ACSS3: variants seen among roughly 807,000 people sequenced by gnomAD.
ACSS3 encodes acyl-CoA synthetase short-chain family member 3, mitochondrial.
In ACSS3, 64 loss-of-function variants were observed where a neutral mutation model predicts 84.2. The ratio of observed to expected loss-of-function variants is 0.76; its 90% CI spans 0.62 to 0.94. ACSS3 has a LOEUF of 0.94. ACSS3 is among the 40% of genes least tolerant of loss of function. The probability of loss-of-function intolerance (pLI) is 0.00; values close to 1 mark genes in which losing one functional copy is unlikely to be tolerated. For synonymous variants in ACSS3, 317 were observed against 310.1 expected (o/e 1.02, Z -0.23); for missense variants, 815 against 867.6 (o/e 0.94, Z 0.76).
At chr12:81,092,170 T>C (rs1881710476) in intron 1 of ACSS3, among the ~76,000 whole-genome samples, 1 of 152,180 alleles carries the variant, frequency 6.6e-6, no homozygotes, top group African/African-American at 2.4e-5. Context: ...CTGGAGTTTA[T>C]TCATTTGTTA....
intron 1 of ACSS3, among the ~76,000 whole-genome samples, chr12:81,095,085 C>T (rs1481900132): frequency 6.6e-6 from 1 of 152,174 alleles, no homozygotes; most frequent in Non-Finnish European, 1.5e-5. Flanking sequence ...CCACTCCCTC[C>T]TGGTTCTCTG....
intron 9 of ACSS3, among the ~76,000 whole-genome samples, chr12:81,212,273 T>C (rs540985315): frequency 1.3e-5 from 2 of 152,342 alleles, no homozygotes; most frequent in Admixed American, 6.5e-5. Context: ...CTTTTGTTTA[T>C]TGTATCTCCA....
chr12:81,236,244 G>A (rs767235613), intron 13 of ACSS3, among the ~76,000 whole-genome samples: 1 of 151,540 alleles, frequency 6.6e-6, no homozygotes, highest in Non-Finnish European at 1.5e-5. Flanking sequence ...TTTTAACAAT[G>A]TTACGTGAAT....
At chr12:81,145,067 ATTTTTTTTT>A (rs35753293) in intron 5 of ACSS3, among the ~76,000 whole-genome samples, 1 of 100,874 alleles carries the variant, frequency 9.9e-6, no homozygotes, top group South Asian at 3.7e-4. Context: ...CGCCTGGCTA[ATTTTTTTTT>A]TTTTTTTTTT....
At position 81,253,628 on chromosome 12, in the gene ACSS3, C is replaced by T. The variant is rs936118379; in HGVS notation, c.1953C>T (p.Pro651=). The T allele has an allele frequency of 1.5e-5, 25 of 1,613,876 alleles. No homozygotes were observed. The African/African-American group carries it at 2.4e-4, about 15-fold the overall frequency. ...CCAAAACCAGATCTGGCAAGATCCC[C>T]CGATCAGCTTTATCTGCCATTGTCA... ...QLPKTRSGKI[P]RSALSAIVNG... is the part of the protein sequence containing the mutation. The change falls in exon 15 of 16, where the codon CCC becomes CCT. Residue 651 remains proline (P), a synonymous_variant. Coordinates refer to ENST00000548058, the MANE Select transcript of ACSS3 (RefSeq NM_024560.4).
chr12:81,078,146 G>T lies in ACSS3; in HGVS notation c.26G>T (p.Arg9Leu), dbSNP rs778645453. MKPSWLQCRKVTSAGGLGG... is the reference protein window; with the variant it reads MKPSWLQCLKVTSAGGLGG... ...ATGAAACCGTCTTGGCTGCAGTGTC[G>T]TAAAGTCACCAGCGCCGGGGGGCTC... is the stretch of plus-strand genomic sequence containing the variant. Residue 9 changes from arginine (R) to leucine (L), a missense_variant, in exon 1 of 16, where the codon CGT (arginine) becomes CTT (leucine). By Grantham distance (102) the Arg-to-Leu change is moderately radical. Coordinates refer to ENST00000548058, the MANE Select transcript of ACSS3 (RefSeq NM_024560.4). 2.7e-6 allele frequency: 4 copies of T among 1,505,896 alleles called. No homozygotes were observed. Among genetic ancestry groups the T allele is most frequent in the South Asian group, 1.3e-5 (1 of 78,906 alleles). The allele number at this position is 1,505,896 out of a possible 1,614,324, so 93.3% of individuals were successfully genotyped here.
At position 81,255,577 on chromosome 12, in the gene ACSS3, T is replaced by C. The variant is rs1471972692; in HGVS notation, c.*655T>C. ...GGTTCAGCATGTAATCCGAGCACTT[T>C]GGGAGGCTGAGGCAGGCGGATCACT... is the stretch of plus-strand genomic sequence containing the variant. On this transcript the variant is annotated 3_prime_UTR_variant, in exon 16 of 16. Transcript: ENST00000548058. The C allele has an allele frequency of 6.6e-6, 1 of 152,198 alleles. No homozygotes were observed. Among genetic ancestry groups the C allele is most frequent in the Non-Finnish European group, 1.5e-5 (1 of 68,130 alleles). The allele number at this position is 152,198 out of a possible 1,614,324, so 9.4% of individuals were successfully genotyped here. A position where few individuals can be genotyped will look rare whatever the true frequency, so the allele number is the denominator to read the frequency against.
intron 1 of ACSS3, among the ~76,000 whole-genome samples, chr12:81,105,749 C>G (rs758676489): frequency 2.6e-4 from 40 of 152,276 alleles, no homozygotes; most frequent in Non-Finnish European, 4.6e-4. Context: ...AAAACAGTGT[C>G]ATATTCTTCT....
intron 11 of ACSS3, among the ~76,000 whole-genome samples, chr12:81,222,455 A>G (rs1593215791): frequency 6.6e-6 from 1 of 152,026 alleles, no homozygotes; most frequent in Non-Finnish European, 1.5e-5. Flanking sequence ...TCTTTTTGAA[A>G]CCCACATTGC....
At chr12:81,164,282 T>C (rs1887297118) in intron 7 of ACSS3, among the ~76,000 whole-genome samples, 1 of 152,196 alleles carries the variant, frequency 6.6e-6, no homozygotes, top group Non-Finnish European at 1.5e-5. Flanking sequence ...TATGTAGCCT[T>C]GGAGTAAGAG....
At chr12:81,189,276 CA>C (rs1187275698) in intron 8 of ACSS3, among the ~76,000 whole-genome samples, 2 of 152,120 alleles carry the variant, frequency 1.3e-5, no homozygotes, top group East Asian at 3.8e-4. Flanking sequence ...CAGAGTATGT[CA>C]AACAGTTTTC....
chr12:81,091,854 A>G (rs892868550), intron 1 of ACSS3, among the ~76,000 whole-genome samples: 2 of 152,130 alleles, frequency 1.3e-5, no homozygotes, highest in Admixed American at 1.3e-4. Flanking sequence ...ACCTTTTACC[A>G]TAGTAATTTA....
intron 13 of ACSS3, among the ~76,000 whole-genome samples, chr12:81,241,358 G>T (rs1483730148): frequency 1.3e-5 from 2 of 152,004 alleles, no homozygotes; most frequent in African/African-American, 4.8e-5. Context: ...CCCAGTAATG[G>T]GATGGCTGGG....
intron 2 of ACSS3, 86 bp from the exon 3 acceptor site, chr12:81,134,730 A>T (rs533003770): frequency 8.0e-7 from 1 of 1,244,062 alleles, no homozygotes; most frequent in Admixed American, 3.3e-5. Context: ...CAAGCGGGTG[A>T]TCAGCTTCTA....
chr12:81,195,785 C>A (rs1020208104), intron 8 of ACSS3, among the ~76,000 whole-genome samples: 2 of 151,970 alleles, frequency 1.3e-5, no homozygotes, highest in Admixed American at 1.3e-4. Flanking sequence ...AGGTTATGCT[C>A]TTATCTGAAA....
In ACSS3 at chr12:81,256,244, A is replaced by G. The variant is rs1037512849; in HGVS notation, c.*1322A>G. ...CAAGAGCCTCTGTTTTTTTAAAGAGAAAACAAAGAATCCTGGTTTTTATGT... is the reference window on the plus strand; with the variant it reads ...CAAGAGCCTCTGTTTTTTTAAAGAGGAAACAAAGAATCCTGGTTTTTATGT... On this transcript the variant is annotated 3_prime_UTR_variant, in exon 16 of 16. Coordinates refer to ENST00000548058, the MANE Select transcript of ACSS3 (RefSeq NM_024560.4). The G allele has an allele frequency of 6.6e-6, 1 of 152,200 alleles. No individual in the cohort carries two copies. The highest frequency in any genetic ancestry group is 2.4e-5 in the African/African-American group (1 of 41,468). 9.4% of individuals were successfully genotyped at this position (152,200 alleles called of 1,614,324 possible).
chr12:81,251,668 C>CAAA lies in ACSS3; in HGVS notation c.1720-1625_1720-1623dup, dbSNP rs71098134. Among the ~76,000 whole-genome samples, 169 of 87,814 alleles carry CAAA rather than the reference C, an allele frequency of 1.9e-3. 1 individual carries two copies. Among genetic ancestry groups the CAAA allele is most frequent in the African/African-American group, 4.1e-3 (104 of 25,090 alleles). 57.6% of individuals were successfully genotyped at this position (87,814 alleles called of 152,430 possible). A position where few individuals can be genotyped will look rare whatever the true frequency, so the allele number is the denominator to read the frequency against. On this transcript the variant is annotated intron_variant, in intron 13 of 15. Coordinates refer to ENST00000548058, the MANE Select transcript of ACSS3 (RefSeq NM_024560.4). ...GGAACATGGCGAAACCCCATCTCTA[C>CAAA]AAAAAAAAAAAAAAAATACAAAAAT...
chr12:81,150,048 C>T (rs138130547), intron 5 of ACSS3, among the ~76,000 whole-genome samples: 11 of 152,236 alleles, frequency 7.2e-5, no homozygotes, highest in Middle Eastern at 3.4e-3. Flanking sequence ...TTATCCTTTA[C>T]ATTTATGTTT....
chr12:81,179,429 C>A (rs1035236964), intron 8 of ACSS3, among the ~76,000 whole-genome samples: 1 of 151,818 alleles, frequency 6.6e-6, no homozygotes, highest in Admixed American at 6.6e-5. Flanking sequence ...GCCAACTACG[C>A]GTCAGAGAAA....
Sources: gnomAD v4.1 joint callset for allele counts (sites outside exome capture counted in the v4.1 genomes callset) on GRCh38, gnomAD v4.1.1 for gene constraint, MANE v1.5 for transcripts, NCBI Gene and HGNC (gene_info 2026-07-23, HGNC 2026-07-21) for gene names.